The following SIM1 variants were observed in gnomAD, a reference collection of about 807,000 sequenced individuals.
SIM1 encodes the protein SIM bHLH transcription factor 1, also known as single-minded homolog 1.
SIM1 carries 18 observed loss-of-function variants against 78.2 expected under a neutral mutation model. The ratio of observed to expected loss-of-function variants is 0.23; its 90% CI spans 0.16 to 0.34. The LOEUF (loss-of-function observed/expected upper bound fraction) is 0.34, where lower values mean the gene tolerates loss of function less well. SIM1 is among the 10% of genes least tolerant of loss of function. The pLI is 1.00. For missense variants in SIM1, 939 were observed against 975.1 expected (o/e 0.96, Z 0.49); for synonymous variants, 417 against 385.2 (o/e 1.08, Z -0.97).
At chr6:100,394,011 G>A (rs2114464027) in intron 10 of SIM1, 122 bp from the exon 11 acceptor site, 3 of 1,008,056 alleles carry the variant, frequency 3.0e-6, no homozygotes, top group Non-Finnish European at 4.2e-6. Flanking sequence ...ATTGTCCTGA[G>A]GTCGTCAAAA....
At chr6:100,447,454 C>G in intron 8 of SIM1, 39 bp from the exon 9 acceptor site, 1 of 1,612,880 alleles carries the variant, frequency 6.2e-7, no homozygotes, top group East Asian at 2.2e-5. Context: ...GTGAACCAGC[C>G]TGCCTGGGAC....
chr6:100,414,600 A>G lies in SIM1; in HGVS notation c.1167+6190T>C, dbSNP rs558323258. On this transcript the variant is annotated intron_variant, in intron 10 of 11. Transcript: ENST00000369208. ...AAACCTATCTAATATAAGACTTTCT[A>G]GGAAGATAACCTAAATTTTTCTGGC... Among the ~76,000 whole-genome samples the G allele has an allele frequency of 2.0e-5, 3 of 152,352 alleles. No homozygotes were observed. In the East Asian group the frequency reaches 5.8e-4, roughly 29 times the overall value.
In SIM1 at chr6:100,391,152, T is replaced by C. The variant is rs1192885868; in HGVS notation, c.1571-61A>G. The C allele has an allele frequency of 2.7e-6, 4 of 1,493,360 alleles. No individual in the cohort carries two copies. The African/African-American group carries it at 4.2e-5, about 16-fold the overall frequency. 92.5% of individuals were successfully genotyped at this position (1,493,360 alleles called of 1,614,324 possible). On this transcript the variant is annotated intron_variant, in intron 11 of 11. Transcript: ENST00000369208. Reference sequence around the variant, plus strand: ...AGAATTCACCCTCAAAATAAGTATATTTCCTTTACCTATTAAAATAAACTT... The same window carrying C: ...AGAATTCACCCTCAAAATAAGTATACTTCCTTTACCTATTAAAATAAACTT...
At position 100,393,837 on chromosome 6, in the gene SIM1, C is replaced by A. The variant is rs781243948; in HGVS notation, c.1220G>T (p.Gly407Val). The change falls in exon 11 of 12, where the codon GGC becomes GTC. Residue 407 changes from glycine to valine, a missense_variant. Physicochemically the swap from Gly to Val is moderately radical, Grantham distance 109. This residue lies in a region of SIM1 where 556 missense variants were observed against 521.9 expected (regional missense o/e 1.07). Coordinates refer to ENST00000369208, the MANE Select transcript of SIM1 (RefSeq NM_005068.3). ...RSESDHDSQWGGSPLTDTASP... is the reference protein window; with the variant it reads ...RSESDHDSQWVGSPLTDTASP... Reference sequence around the variant, plus strand: ...GGCCGTGTCGGTCAAGGGACTTCCGCCCCACTGGCTGTCATGATCAGATTC... The same window carrying A: ...GGCCGTGTCGGTCAAGGGACTTCCGACCCACTGGCTGTCATGATCAGATTC... 5 of 1,605,688 alleles carry A rather than the reference C, an allele frequency of 3.1e-6. No homozygotes were observed. The South Asian group carries it at 4.4e-5, about 14-fold the overall frequency.
intron 10 of SIM1, among the ~76,000 whole-genome samples, chr6:100,404,631 GTTAGA>G (rs984013341): frequency 6.6e-6 from 1 of 151,818 alleles, no homozygotes; most frequent in Non-Finnish European, 1.5e-5. Context: ...TGGTGAAAGG[GTTAGA>G]TTAAAGTAAT....
chr6:100,412,869 G>A (rs1322288189), intron 10 of SIM1, among the ~76,000 whole-genome samples: 2 of 152,128 alleles, frequency 1.3e-5, no homozygotes, highest in Admixed American at 6.5e-5. Flanking sequence ...GGTCCTTGAA[G>A]GGGCACCCAA....
chr6:100,398,774 G>A (rs1346924101), intron 10 of SIM1, among the ~76,000 whole-genome samples: 2 of 152,002 alleles, frequency 1.3e-5, no homozygotes, highest in Non-Finnish European at 2.9e-5. Flanking sequence ...ATCCTTTAGG[G>A]TATATTACCA....
Position 100,390,302 on chromosome 6 carries a change from GT to G in SIM1, c.*58del. 1 of 1,535,758 alleles carries G rather than the reference GT, an allele frequency of 6.5e-7. No homozygotes were observed. ...TGGCATAGTAAATGCTGGTAATGGG[GT>G]ATTAAACTATAAATATGTTTCAGAG... On this transcript the variant is annotated 3_prime_UTR_variant, in exon 12 of 12. Coordinates refer to ENST00000369208, the MANE Select transcript of SIM1 (RefSeq NM_005068.3).
intron 9 of SIM1, among the ~76,000 whole-genome samples, chr6:100,439,994 G>A (rs770556795): frequency 6.6e-6 from 1 of 152,162 alleles, no homozygotes; most frequent in Non-Finnish European, 1.5e-5. Flanking sequence ...GGGGAGGGAA[G>A]AGAAAATAAA....
intron 9 of SIM1, among the ~76,000 whole-genome samples, chr6:100,428,819 G>T (rs1315150303): frequency 6.6e-6 from 1 of 151,254 alleles, no homozygotes; most frequent in Non-Finnish European, 1.5e-5. Flanking sequence ...TTTAAAATAG[G>T]GTATAATAAG....
At chr6:100,402,732 C>T (rs948167702) in intron 10 of SIM1, among the ~76,000 whole-genome samples, 1 of 151,964 alleles carries the variant, frequency 6.6e-6, no homozygotes, top group Non-Finnish European at 1.5e-5. Flanking sequence ...CGCCCGCCAC[C>T]ACGCCTGGCT....
At chr6:100,414,053 T>G (rs1289016169) in intron 10 of SIM1, among the ~76,000 whole-genome samples, 1 of 152,184 alleles carries the variant, frequency 6.6e-6, no homozygotes, top group Non-Finnish European at 1.5e-5. Context: ...AAAAACAGGA[T>G]AGTGACAAAT....
chr6:100,418,511 G>T (rs777245465), intron 10 of SIM1, among the ~76,000 whole-genome samples: 2 of 152,058 alleles, frequency 1.3e-5, no homozygotes, highest in Non-Finnish European at 2.9e-5. Flanking sequence ...CACATGGAAG[G>T]GGTAGTCTAA....
chr6:100,428,153 T>A (rs1033276962), intron 9 of SIM1, among the ~76,000 whole-genome samples: 1 of 152,164 alleles, frequency 6.6e-6, no homozygotes, highest in African/African-American at 2.4e-5. Flanking sequence ...AAAAAGCAAA[T>A]CATGTTTTCC....
At chr6:100,445,868 T>C (rs1044713962) in intron 9 of SIM1, among the ~76,000 whole-genome samples, 4 of 152,202 alleles carry the variant, frequency 2.6e-5, no homozygotes, top group South Asian at 2.1e-4. Context: ...TTTTATGTAT[T>C]ATGCTTTGCC....
At chr6:100,415,563 T>C (rs1260320405) in intron 10 of SIM1, among the ~76,000 whole-genome samples, 1 of 152,136 alleles carries the variant, frequency 6.6e-6, no homozygotes, top group East Asian at 1.9e-4. Flanking sequence ...AGTAATACCT[T>C]TGTAACTGAG....
At position 100,388,141 on chromosome 6, in the gene SIM1, C is replaced by T. The variant is rs1195473463; in HGVS notation, c.*2220G>A. On this transcript the variant is annotated 3_prime_UTR_variant, in exon 12 of 12. Coordinates refer to ENST00000369208, the MANE Select transcript of SIM1 (RefSeq NM_005068.3). ...AATTTTCTCAAAATTACTAAATACT[C>T]TTTTTTGTATAATTCAAAACTTAGT... 2 of 152,096 alleles carry T rather than the reference C, an allele frequency of 1.3e-5. No homozygotes were observed. The allele number at this position is 152,096 out of a possible 1,614,324, so 9.4% of individuals were successfully genotyped here.
chr6:100,458,044 C>T (rs1180424381), intron 2 of SIM1, among the ~76,000 whole-genome samples: 2 of 105,946 alleles, frequency 1.9e-5, no homozygotes, highest in South Asian at 2.8e-4. Context: ...CTCTCTCTCT[C>T]TCTCTCTCTC....
chr6:100,439,297 T>C (rs1374019296), intron 9 of SIM1, among the ~76,000 whole-genome samples: 1 of 152,080 alleles, frequency 6.6e-6, no homozygotes, highest in African/African-American at 2.4e-5. Context: ...TGTATATAGG[T>C]CATTGACCCA....
Sources: gnomAD v4.1 joint callset for allele counts (sites outside exome capture counted in the v4.1 genomes callset) on GRCh38, gnomAD v4.1.1 for gene constraint, gnomAD v4.1.1 regional missense constraint, MANE v1.5 for transcripts, NCBI Gene and HGNC (gene_info 2026-07-23, HGNC 2026-07-21) for gene names.